The following ST13 variants were observed in gnomAD, a reference collection of about 807,000 sequenced individuals.
The protein encoded by ST13 is ST13 Hsp70 interacting protein.
A neutral mutation model predicts 56.7 loss-of-function variants in ST13; 23 were observed. That is an observed-to-expected ratio of 0.41 (90% CI 0.29 to 0.57). ST13 has a LOEUF of 0.57. Ranked by LOEUF, ST13 falls within the 20% of genes least tolerant of loss-of-function variation. The pLI, the probability that ST13 is intolerant of heterozygous loss-of-function variation, is 0.36. For synonymous variants in ST13, 132 were observed against 142.4 expected (o/e 0.93, Z 0.52); for missense variants, 369 against 459.9 (o/e 0.80, Z 1.81).
intron 1 of ST13, 145 bp from the exon 2 acceptor site, chr22:40,851,025 C>A (rs893357245): frequency 2.3e-5 from 14 of 605,154 alleles, no homozygotes; most frequent in Non-Finnish European, 4.0e-5. Flanking sequence ...AATCTGAATG[C>A]TGTGGTATTA....
At chr22:40,852,814 A>C (rs2057868621) in intron 1 of ST13, among the ~76,000 whole-genome samples, 1 of 152,252 alleles carries the variant, frequency 6.6e-6, no homozygotes, top group Non-Finnish European at 1.5e-5. Flanking sequence ...AAAAGAGCAC[A>C]GTAATCACCA....
intron 3 of ST13, among the ~76,000 whole-genome samples, chr22:40,845,169 T>A (rs1033559261): frequency 6.6e-6 from 1 of 152,208 alleles, no homozygotes; most frequent in African/African-American, 2.4e-5. Flanking sequence ...TACACATAAA[T>A]ACACCACTGA....
In ST13 at chr22:40,853,778, A is replaced by G. The variant is rs190567825; in HGVS notation, c.110+2653T>C. ...AAAGCCATGTGCCACGTACTGTACT[A>G]GGGAGTAGAAAACAAAGACACTCTC... On this transcript the variant is annotated intron_variant, in intron 1 of 11. Transcript: ENST00000216218. Among the ~76,000 whole-genome samples, 185 of 152,304 alleles carry G rather than the reference A, an allele frequency of 1.2e-3. 1 individual carries two copies. The highest frequency in any genetic ancestry group is 1.8e-4 in the Non-Finnish European group (12 of 68,030).
rs779642938 is a variant in ST13, at chr22:40,844,920, C to G, written c.245-11G>C. 1.2e-6 allele frequency: 2 copies of G among 1,608,114 alleles called. No homozygotes were observed. Among genetic ancestry groups the G allele is most frequent in the Non-Finnish European group, 1.7e-6 (2 of 1,176,356 alleles). On this transcript the variant is annotated splice_polypyrimidine_tract_variant and intron_variant, in intron 3 of 11. Transcript: ENST00000216218. Reference sequence around the variant, plus strand: ...CTTCTTTATCAATTTCTGCCAAAGTCGAGAAAATGACAATAAGACCTGCAC... The same window carrying G: ...CTTCTTTATCAATTTCTGCCAAAGTGGAGAAAATGACAATAAGACCTGCAC...
chr22:40,836,805 C>T (rs2057779647), intron 5 of ST13, among the ~76,000 whole-genome samples: 1 of 152,186 alleles, frequency 6.6e-6, no homozygotes, highest in Non-Finnish European at 1.5e-5. Context: ...GTTCTTTGCA[C>T]AAAGTCTAAA....
chr22:40,855,508 A>G (rs899720571), intron 1 of ST13, among the ~76,000 whole-genome samples: 1 of 152,230 alleles, frequency 6.6e-6, no homozygotes, highest in Non-Finnish European at 1.5e-5. Flanking sequence ...AATGGTCTGC[A>G]TAGTTGCTAT....
intron 1 of ST13, among the ~76,000 whole-genome samples, chr22:40,852,956 T>C (rs2057869353): frequency 6.6e-6 from 1 of 152,174 alleles, no homozygotes; most frequent in East Asian, 1.9e-4. Context: ...TACACTAACT[T>C]TGGGAAGTGA....
chr22:40,851,283 C>T (rs1331375769), intron 1 of ST13, among the ~76,000 whole-genome samples: 1 of 152,142 alleles, frequency 6.6e-6, no homozygotes, highest in Admixed American at 6.5e-5. Context: ...CAATTAAATT[C>T]AAATATGCAG....
At chr22:40,849,431 G>C (rs530283843) in intron 2 of ST13, among the ~76,000 whole-genome samples, 32 of 136,586 alleles carry the variant, frequency 2.3e-4, no homozygotes, top group African/African-American at 8.5e-4. Context: ...TGAGCCAAGA[G>C]ATCGCACCAC....
chr22:40,853,892 TTC>T (rs1485680096), intron 1 of ST13, among the ~76,000 whole-genome samples: 1 of 152,150 alleles, frequency 6.6e-6, no homozygotes, highest in African/African-American at 2.4e-5. Flanking sequence ...GGGAGAATGC[TTC>T]TGTCTCTAAA....
Position 40,832,789 on chromosome 22 carries a change from CTA to C in ST13, c.579-120_579-119del, listed in dbSNP as rs1269648565. On this transcript the variant is annotated intron_variant, in intron 7 of 11. Transcript: ENST00000216218. The stretch of plus-strand genomic sequence containing the variant: ...AAAACAGGCTTAAGTTAAATATTAA[CTA>C]TAAACTTTCACTAACCAATTCAATT... 8.2e-6 allele frequency: 6 copies of C among 736,022 alleles called. No homozygotes were observed. In the African/African-American group the frequency reaches 8.8e-5, roughly 11 times the overall value. The allele number at this position is 736,022 out of a possible 1,614,324, so 45.6% of individuals were successfully genotyped here. A position where few individuals can be genotyped will look rare whatever the true frequency, so the allele number is the denominator to read the frequency against.
Position 40,852,694 on chromosome 22 carries a change from A to G in ST13, c.111-1814T>C, listed in dbSNP as rs533138922. ...AGCTCCCATGTCAAACATAAAGATT[A>G]TATGATCCAAAACATCCTAATCTGC... On this transcript the variant is annotated intron_variant, in intron 1 of 11. Coordinates refer to ENST00000216218, the MANE Select transcript of ST13 (RefSeq NM_003932.5). Among the ~76,000 whole-genome samples, 12 of 152,346 alleles carry G rather than the reference A, an allele frequency of 7.9e-5. 1 individual carries two copies. In the South Asian group the frequency reaches 2.5e-3, roughly 32 times the overall value.
intron 4 of ST13, among the ~76,000 whole-genome samples, chr22:40,843,964 C>T (rs1195793311): frequency 6.6e-6 from 1 of 151,692 alleles, no homozygotes; most frequent in Non-Finnish European, 1.5e-5. Flanking sequence ...CTCACTGCAA[C>T]CTCTGCCTCC....
chr22:40,847,080 TAA>T lies in ST13; in HGVS notation c.244+1212_244+1213del, dbSNP rs758499366. On this transcript the variant is annotated intron_variant, in intron 3 of 11. Transcript: ENST00000216218. ...GTACTTTTCTTCAGGTTCTGTGATATAAGAGACTTCCAAATTCATGAAGAAAT... is the reference window on the plus strand; with the variant it reads ...GTACTTTTCTTCAGGTTCTGTGATATGAGACTTCCAAATTCATGAAGAAAT... 6.7e-4 allele frequency among the ~76,000 whole-genome samples: 102 copies of T among 152,240 alleles called. No homozygotes were observed. The Middle Eastern group carries it at 0.014, about 20-fold the overall frequency.
At chr22:40,856,043 G>A (rs1346287473) in intron 1 of ST13, among the ~76,000 whole-genome samples, 1 of 152,098 alleles carries the variant, frequency 6.6e-6, no homozygotes, top group Non-Finnish European at 1.5e-5. Flanking sequence ...GGAATAGTGC[G>A]TAAAGGAACT....
chr22:40,854,289 T>C (rs1414376474), intron 1 of ST13, among the ~76,000 whole-genome samples: 1 of 152,178 alleles, frequency 6.6e-6, no homozygotes, highest in Non-Finnish European at 1.5e-5. Flanking sequence ...TCAGAGTTTA[T>C]AAAAATCTTA....
chr22:40,843,687 TGA>T (rs1461298370), intron 4 of ST13, among the ~76,000 whole-genome samples: 1 of 152,106 alleles, frequency 6.6e-6, no homozygotes, highest in South Asian at 2.1e-4. Context: ...TGAGTGAAGA[TGA>T]GTCACAAACT....
At chr22:40,826,998 A>AT in intron 11 of ST13, 98 bp downstream of exon 11, 1 of 1,352,818 alleles carries the variant, frequency 7.4e-7, no homozygotes, top group Non-Finnish European at 1.0e-6. Context: ...ACTGTGATAA[A>AT]TAAAAAATAG....
chr22:40,855,700 C>T (rs2057887877), intron 1 of ST13, among the ~76,000 whole-genome samples: 1 of 152,146 alleles, frequency 6.6e-6, no homozygotes, highest in South Asian at 2.1e-4. Context: ...ATTTATTCGT[C>T]TAAATAGACA....
Sources: gnomAD v4.1 joint callset for allele counts (sites outside exome capture counted in the v4.1 genomes callset) on GRCh38, gnomAD v4.1.1 for gene constraint, MANE v1.5 for transcripts, NCBI Gene and HGNC (gene_info 2026-07-23, HGNC 2026-07-21) for gene names.